Variants in MIX23 observed in about 807,000 individuals in gnomAD.
MIX23 encodes the protein mitochondrial matrix import factor 23, also known as protein MIX23.
In MIX23, 13 loss-of-function variants were observed where a neutral mutation model predicts 21.6. The observed-to-expected ratio is 0.60, with a 90% CI of 0.39 to 0.96. The LOEUF (loss-of-function observed/expected upper bound fraction) is 0.96, where lower values mean the gene tolerates loss of function less well. MIX23 is among the 40% of genes least tolerant of loss of function. The pLI is 0.00. For missense variants in MIX23, 144 were observed against 171.2 expected, an observed-to-expected ratio of 0.84 and a Z score of 0.89; for synonymous variants, 59 against 58.0, an observed-to-expected ratio of 1.02 and a Z score of -0.08.
At position 122,368,487 on chromosome 3, in the gene MIX23, A is replaced by G. The variant is rs554553983; in HGVS notation, c.178-165T>C. On this transcript the variant is annotated intron_variant, in intron 2 of 4. Transcript: ENST00000291458. ...AAGATTGTGTTGAATCAGCTACCTCATCTAAAAACATAACTGGCAGCATCT... is the reference window on the plus strand; with the variant it reads ...AAGATTGTGTTGAATCAGCTACCTCGTCTAAAAACATAACTGGCAGCATCT... Among the ~76,000 whole-genome samples, 5 of 152,304 alleles carry G rather than the reference A, an allele frequency of 3.3e-5. No individual in the cohort carries two copies. The South Asian group carries it at 1.0e-3, about 32-fold the overall frequency.
chr3:122,367,557 C>A (rs2075406307), intron 3 of MIX23, among the ~76,000 whole-genome samples: 1 of 152,118 alleles, frequency 6.6e-6, no homozygotes, highest in Non-Finnish European at 1.5e-5. Context: ...AGTAAAAACA[C>A]TGCAGGGATA....
At chr3:122,369,675 C>A (rs1447718107) in intron 2 of MIX23, among the ~76,000 whole-genome samples, 2 of 152,192 alleles carry the variant, frequency 1.3e-5, no homozygotes, top group African/African-American at 4.8e-5. Context: ...GCAAGCTTAT[C>A]CTGATTCAAC....
rs554895815 is a variant in MIX23 at position 122,378,274 on chromosome 3, G to A, written c.51+4900C>T. Among the ~76,000 whole-genome samples, 13 of 152,272 alleles carry A rather than the reference G, an allele frequency of 8.5e-5. No individual in the cohort carries two copies. The South Asian group carries it at 2.5e-3, about 29-fold the overall frequency. On this transcript the variant is annotated intron_variant, in intron 1 of 4. Coordinates refer to ENST00000291458, the MANE Select transcript of MIX23 (RefSeq NM_001017928.4). ...CTGAACTTTAACCAGTTTTGAGTTT[G>A]AACACTTTAGCCCGATTCATCTCCA...
At chr3:122,370,456 CAAAA>C (rs10660235) in intron 2 of MIX23, among the ~76,000 whole-genome samples, 5 of 48,270 alleles carry the variant, frequency 1.0e-4, no homozygotes, top group African/African-American at 2.9e-4. Flanking sequence ...GACACTGTCT[CAAAA>C]AAAAAAAAAA....
rs1323292206 is a variant in MIX23 at position 122,374,926 on chromosome 3, G to GT, written c.52-3127dup. 2.6e-5 allele frequency among the ~76,000 whole-genome samples: 4 copies of GT among 152,352 alleles called. No individual in the cohort carries two copies. In the South Asian group the frequency reaches 8.3e-4, roughly 32 times the overall value. On this transcript the variant is annotated intron_variant, in intron 1 of 4. Transcript: ENST00000291458. ...CATCAAAAAAGGCTTTTCTGAGGATGTAACATTTGCGCTAAAATCTAAATG... is the reference window on the plus strand; with the variant it reads ...CATCAAAAAAGGCTTTTCTGAGGATGTTAACATTTGCGCTAAAATCTAAATG...
At chr3:122,363,381 CA>C (rs2075374126) in intron 3 of MIX23, among the ~76,000 whole-genome samples, 1 of 149,726 alleles carries the variant, frequency 6.7e-6, no homozygotes, top group South Asian at 2.1e-4. Context: ...TAAGCCATAA[CA>C]TGGCAGAATG....
chr3:122,382,428 G>T (rs2075540544), intron 1 of MIX23, among the ~76,000 whole-genome samples: 1 of 152,148 alleles, frequency 6.6e-6, no homozygotes, highest in African/African-American at 2.4e-5. Flanking sequence ...ACTACAGATA[G>T]GTCAATTTTT....
At chr3:122,367,735 A>T (rs2075407647) in intron 3 of MIX23, 1 of 172,100 alleles carries the variant, frequency 5.8e-6, no homozygotes, top group Non-Finnish European at 1.2e-5. Context: ...TAAATAGTCT[A>T]TATTACATTT....
At chr3:122,380,382 C>G (rs1371072970) in intron 1 of MIX23, among the ~76,000 whole-genome samples, 1 of 152,196 alleles carries the variant, frequency 6.6e-6, no homozygotes, top group Non-Finnish European at 1.5e-5. Flanking sequence ...TTGTCTACAA[C>G]TGCCAGAGTC....
rs914607410 is a variant in MIX23 at position 122,381,146 on chromosome 3, C to G, written c.51+2028G>C. 5.9e-5 allele frequency among the ~76,000 whole-genome samples: 9 copies of G among 152,322 alleles called. No individual in the cohort carries two copies. In the South Asian group the frequency reaches 6.2e-4, roughly 11 times the overall value. On this transcript the variant is annotated intron_variant, in intron 1 of 4. Transcript: ENST00000291458. ...CCCTGCCTGCCTAAGGCCCAACTCT[C>G]TAAATTCTTTCAGCATTTTATTCTT... is the stretch of plus-strand genomic sequence containing the variant.
rs139441254 is a variant in MIX23, at chr3:122,359,627, A to ATT, written c.*241_*242insAA. ...AGAAAATTATTTTAATAGTTACAAA[A>ATT]ATTTTTTTTTTTTTTTTTTACAGAA... On this transcript the variant is annotated 3_prime_UTR_variant, in exon 5 of 5. Transcript: ENST00000291458. 23,819 of 252,562 alleles carry ATT rather than the reference A, an allele frequency of 0.094. 1,346 individuals carry two copies. Among genetic ancestry groups the ATT allele is most frequent in the East Asian group, 0.15 (2,040 of 13,852 alleles). The allele number at this position is 252,562 out of a possible 1,614,324, so 15.6% of individuals were successfully genotyped here.
Position 122,383,196 on chromosome 3 carries a change from C to A in MIX23, c.29G>T (p.Cys10Phe). MAAPSGGVN[C>F]EEFAEFQELL... is the part of the protein sequence containing the mutation. ...CACCTGGAACTCGGCGAACTCCTCA[C>A]AGTTCACACCGCCACTGGGCGCCGC... The change falls in exon 1 of 5, where the codon TGT becomes TTT. Residue 10 changes from cysteine (C) to phenylalanine (F), a missense_variant. Cys to Phe is a radical substitution (Grantham distance 205). Coordinates refer to ENST00000291458, the MANE Select transcript of MIX23 (RefSeq NM_001017928.4). 1 of 1,613,424 alleles carries A rather than the reference C, an allele frequency of 6.2e-7. No individual in the cohort carries two copies. The highest frequency in any genetic ancestry group is 8.5e-7 in the Non-Finnish European group (1 of 1,180,038).
Position 122,383,214 on chromosome 3 carries a change from G to A in MIX23, c.11C>T (p.Pro4Leu). Residue 4 changes from proline (P) to leucine (L), a missense_variant, in exon 1 of 5, where the codon CCC (proline) becomes CTC (leucine). By Grantham distance (98) the Pro-to-Leu change is moderately conservative (BLOSUM62 -3). Coordinates refer to ENST00000291458, the MANE Select transcript of MIX23 (RefSeq NM_001017928.4). MAA[P>L]SGGVNCEEFA... is the part of the protein sequence containing the mutation. ...CTCCTCACAGTTCACACCGCCACTG[G>A]GCGCCGCCATATTGGACAAACACGA... 6.2e-7 allele frequency: 1 copy of A among 1,612,910 alleles called. No individual in the cohort carries two copies. The highest frequency in any genetic ancestry group is 8.5e-7 in the Non-Finnish European group (1 of 1,180,026).
intron 1 of MIX23, among the ~76,000 whole-genome samples, chr3:122,375,731 G>A (rs1294086708): frequency 1.3e-5 from 2 of 152,064 alleles, no homozygotes; most frequent in Non-Finnish European, 2.9e-5. Context: ...AAAAGGGAAC[G>A]CTTATACACT....
intron 1 of MIX23, 84 bp downstream of exon 1, chr3:122,383,090 G>A: frequency 6.5e-7 from 1 of 1,533,320 alleles, no homozygotes; most frequent in Non-Finnish European, 9.0e-7. Context: ...TTCCAAAGCT[G>A]GTTCATACTC....
chr3:122,381,469 T>C (rs1397489948), intron 1 of MIX23, among the ~76,000 whole-genome samples: 2 of 152,248 alleles, frequency 1.3e-5, no homozygotes, highest in East Asian at 3.8e-4. Context: ...CTCACGCCTG[T>C]AATCCCAGCA....
intron 1 of MIX23, among the ~76,000 whole-genome samples, chr3:122,379,563 T>C (rs777848249): frequency 2.0e-5 from 3 of 152,232 alleles, no homozygotes; most frequent in Non-Finnish European, 2.9e-5. Context: ...AAGGAATTAC[T>C]GACTACCTAC....
chr3:122,362,860 C>G, intron 4 of MIX23, 108 bp downstream of exon 4: 1 of 634,974 alleles, frequency 1.6e-6, no homozygotes, highest in Non-Finnish European at 2.7e-6. Flanking sequence ...CGAGTGATCT[C>G]TACTTTCCTT....
chr3:122,377,714 G>A (rs1006639452), intron 1 of MIX23, among the ~76,000 whole-genome samples: 1 of 152,080 alleles, frequency 6.6e-6, no homozygotes, highest in Non-Finnish European at 1.5e-5. Flanking sequence ...CAAGCATGGT[G>A]GCATGTGCCT....
Sources: gnomAD v4.1 joint callset for allele counts (sites outside exome capture counted in the v4.1 genomes callset) on GRCh38, gnomAD v4.1.1 for gene constraint, MANE v1.5 for transcripts, NCBI Gene and HGNC (gene_info 2026-07-23, HGNC 2026-07-21) for gene names.